THSD7A: variants seen among roughly 807,000 people sequenced by gnomAD.
The protein encoded by THSD7A is thrombospondin type-1 domain-containing protein 7A.
Under a neutral mutation model 231.3 loss-of-function variants are expected in THSD7A, and 96 were observed. That is an observed-to-expected ratio of 0.41 (90% CI 0.35 to 0.49). The LOEUF is 0.49. Ranked by LOEUF, THSD7A falls within the 20% of genes least tolerant of loss-of-function variation. The probability of loss-of-function intolerance (pLI) is 0.05; values close to 1 mark genes in which losing one functional copy is unlikely to be tolerated. For synonymous variants in THSD7A, 940 were observed against 743.3 expected (o/e 1.26, Z -4.30); for missense variants, 2,290 against 2,070.2 (o/e 1.11, Z -2.06).
intron 24 of THSD7A, among the ~76,000 whole-genome samples, chr7:11,381,576 G>A (rs886961136): frequency 6.6e-6 from 1 of 151,948 alleles, no homozygotes; most frequent in Non-Finnish European, 1.5e-5. Context: ...TTTTTCCCCC[G>A]CAGCAGGGTC....
At chr7:11,672,661 C>T (rs551000009) in intron 1 of THSD7A, among the ~76,000 whole-genome samples, 2 of 152,200 alleles carry the variant, frequency 1.3e-5, no homozygotes, top group African/African-American at 4.8e-5. Context: ...CATAGTATCA[C>T]ACACTCACTT....
At chr7:11,540,729 G>C (rs12112567) in intron 6 of THSD7A, among the ~76,000 whole-genome samples, 1 of 152,026 alleles carries the variant, frequency 6.6e-6, no homozygotes, top group Admixed American at 6.5e-5. Context: ...TTGGAAGGAA[G>C]GTAAAAATCT....
At chr7:11,572,686 T>C (rs2128335079) in intron 4 of THSD7A, among the ~76,000 whole-genome samples, 1 of 151,870 alleles carries the variant, frequency 6.6e-6, no homozygotes, top group Non-Finnish European at 1.5e-5. Flanking sequence ...TAATTTTTTT[T>C]TTTGGAGGCG....
At chr7:11,511,234 A>T (rs943502008) in intron 6 of THSD7A, among the ~76,000 whole-genome samples, 1 of 152,174 alleles carries the variant, frequency 6.6e-6, no homozygotes, top group Non-Finnish European at 1.5e-5. Flanking sequence ...AAGGGATGTG[A>T]AGGACCTCTT....
At chr7:11,445,265 G>A (rs1300909140) in intron 13 of THSD7A, among the ~76,000 whole-genome samples, 2 of 151,900 alleles carry the variant, frequency 1.3e-5, no homozygotes. Flanking sequence ...GTTTCAGGCT[G>A]CCCCACTGTA....
At chr7:11,829,713 T>A (rs1012978717) in intron 1 of THSD7A, among the ~76,000 whole-genome samples, 3 of 152,146 alleles carry the variant, frequency 2.0e-5, no homozygotes, top group African/African-American at 7.2e-5. Context: ...TCATTTATGG[T>A]ATATCTTTTT....
At chr7:11,378,956 G>A in intron 26 of THSD7A, 114 bp downstream of exon 26, 4 of 922,712 alleles carry the variant, frequency 4.3e-6, no homozygotes, top group Non-Finnish European at 6.6e-6. Context: ...ATAAATGCAT[G>A]TAGATAAAAT....
chr7:11,498,745 C>A (rs754298621), intron 6 of THSD7A, among the ~76,000 whole-genome samples: 1 of 152,112 alleles, frequency 6.6e-6, no homozygotes, highest in South Asian at 2.1e-4. Flanking sequence ...AATGTCCCTA[C>A]TTCCCTGGGA....
Position 11,411,169 on chromosome 7 carries a change from G to A in THSD7A, c.3798+38C>T, listed in dbSNP as rs1377520455. The A allele has an allele frequency of 6.7e-7, 1 of 1,497,342 alleles. No homozygotes were observed. The highest frequency in any genetic ancestry group is 1.2e-5 in the South Asian group (1 of 86,502). 92.8% of individuals were successfully genotyped at this position (1,497,342 alleles called of 1,614,324 possible). On this transcript the variant is annotated intron_variant, in intron 19 of 27. Transcript: ENST00000423059. The surrounding 1 kb of genome is among the most constrained non-coding windows in gnomAD (Gnocchi z 4.1). ...AGCATGAATTGAAATTATTAGGGAA[G>A]AATTTACTCGCGAAGATATAACACA...
chr7:11,785,370 G>A (rs969149168), intron 1 of THSD7A, among the ~76,000 whole-genome samples: 15 of 152,062 alleles, frequency 9.9e-5, no homozygotes, highest in African/African-American at 3.4e-4. Flanking sequence ...CTGAGTAACT[G>A]GACTTCAGAT....
At chr7:11,786,112 T>C (rs1298429559) in intron 1 of THSD7A, among the ~76,000 whole-genome samples, 1 of 148,474 alleles carries the variant, frequency 6.7e-6, no homozygotes, top group Non-Finnish European at 1.5e-5. Flanking sequence ...TTGCTCTTTC[T>C]CCAACAGATC....
chr7:11,448,229 G>T (rs1323590551), intron 11 of THSD7A, among the ~76,000 whole-genome samples: 1 of 152,044 alleles, frequency 6.6e-6, no homozygotes, highest in Non-Finnish European at 1.5e-5. Flanking sequence ...TTGTTCTGCT[G>T]ACTTAAAATG....
At chr7:11,741,831 A>G (rs889700049) in intron 1 of THSD7A, among the ~76,000 whole-genome samples, 1 of 151,964 alleles carries the variant, frequency 6.6e-6, no homozygotes, top group Non-Finnish European at 1.5e-5. Context: ...AGGCAATAGT[A>G]TTTATAAAAC....
intron 1 of THSD7A, among the ~76,000 whole-genome samples, chr7:11,711,799 T>G (rs1039468948): frequency 1.5e-4 from 23 of 151,176 alleles, no homozygotes; most frequent in African/African-American, 5.6e-4. Context: ...CAAAGGCCAG[T>G]TAGTCTGTAA....
At chr7:11,376,728 C>A in intron 26 of THSD7A, 71 bp from the exon 27 acceptor site, 1 of 1,166,110 alleles carries the variant, frequency 8.6e-7, no homozygotes, top group Non-Finnish European at 1.2e-6. Context: ...TAACTATGAC[C>A]AATGATCAGT....
chr7:11,617,945 C>G (rs1464139301), intron 2 of THSD7A, among the ~76,000 whole-genome samples: 1 of 152,010 alleles, frequency 6.6e-6, no homozygotes, highest in Admixed American at 6.6e-5. Context: ...ATGTAACAAA[C>G]CTGCACGTTT....
chr7:11,449,998 G>C (rs183306551), intron 11 of THSD7A, among the ~76,000 whole-genome samples: 35 of 152,034 alleles, frequency 2.3e-4, no homozygotes, highest in African/African-American at 8.4e-4. Flanking sequence ...ACTAAATTTG[G>C]GTTATTTGAA....
At chr7:11,815,083 C>CAA (rs71027433) in intron 1 of THSD7A, among the ~76,000 whole-genome samples, 5,673 of 147,410 alleles carry the variant, frequency 0.038, 173 homozygotes, top group East Asian at 0.18. Flanking sequence ...CCCTAAAACT[C>CAA]AAAAAAAAAA....
intron 4 of THSD7A, among the ~76,000 whole-genome samples, chr7:11,547,707 A>G (rs181400447): frequency 6.6e-6 from 1 of 152,302 alleles, no homozygotes; most frequent in East Asian, 1.9e-4. Context: ...TACTAAGATG[A>G]TCTCTCAAAA....
Sources: gnomAD v4.1 joint callset for allele counts (sites outside exome capture counted in the v4.1 genomes callset) on GRCh38, gnomAD v4.1.1 for gene constraint, Gnocchi (gnomAD v3.1) non-coding constraint, MANE v1.5 for transcripts, NCBI Gene and HGNC (gene_info 2026-07-23, HGNC 2026-07-21) for gene names.